The following MACROD2 variants were observed in gnomAD, a reference collection of about 807,000 sequenced individuals.
MACROD2 encodes the protein mono-ADP ribosylhydrolase 2.
Under a neutral mutation model 70.4 loss-of-function variants are expected in MACROD2, and 36 were observed. The observed-to-expected ratio is 0.51, with a 90% CI of 0.39 to 0.68. The LOEUF is 0.68. MACROD2 is among the 30% of genes least tolerant of loss of function. The pLI, the probability that MACROD2 is intolerant of heterozygous loss-of-function variation, is 0.00. For missense variants in MACROD2, 496 were observed against 538.4 expected (o/e 0.92, Z 0.78); for synonymous variants, 172 against 178.8 (o/e 0.96, Z 0.30).
At chr20:16,012,707 A>G (rs145475677) in intron 15 of MACROD2, among the ~76,000 whole-genome samples, 123 of 152,350 alleles carry the variant, frequency 8.1e-4, no homozygotes, top group African/African-American at 2.8e-3. Flanking sequence ...CATTTAGGAT[A>G]AGTTATTTTG....
In MACROD2 at chr20:14,467,239, C is replaced by T. The variant is rs533226078; in HGVS notation, c.272-26240C>T. On this transcript the variant is annotated intron_variant, in intron 3 of 17. Coordinates refer to ENST00000684519, the MANE Select transcript of MACROD2 (RefSeq NM_001351661.2). Reference sequence around the variant, plus strand: ...CTACTCAAGCCTGAGCAATGGCAGGCGCCCCTCCCCCCAGCCTCGCTGCCA... The same window carrying T: ...CTACTCAAGCCTGAGCAATGGCAGGTGCCCCTCCCCCCAGCCTCGCTGCCA... 6.6e-4 allele frequency among the ~76,000 whole-genome samples: 101 copies of T among 152,248 alleles called. No homozygotes were observed. In the East Asian group the frequency reaches 0.016, roughly 25 times the overall value.
chr20:16,017,481 G>A (rs1038540387), intron 15 of MACROD2, among the ~76,000 whole-genome samples: 5 of 152,192 alleles, frequency 3.3e-5, no homozygotes, highest in Admixed American at 3.3e-4. Flanking sequence ...AGAACTGGTT[G>A]AATTTCTAGA....
chr20:14,536,986 A>C (rs2123222377), intron 4 of MACROD2, among the ~76,000 whole-genome samples: 1 of 152,262 alleles, frequency 6.6e-6, no homozygotes, highest in South Asian at 2.1e-4. Context: ...TGTCTTTGTG[A>C]CTGTAGATTT....
chr20:15,896,522 G>C (rs1229228917), intron 10 of MACROD2, among the ~76,000 whole-genome samples: 1 of 141,874 alleles, frequency 7.0e-6, no homozygotes, highest in Non-Finnish European at 1.5e-5. Flanking sequence ...CACGCAGTTT[G>C]TTAATGTCAC....
At chr20:14,199,181 A>G (rs2081458711) in intron 3 of MACROD2, among the ~76,000 whole-genome samples, 1 of 152,184 alleles carries the variant, frequency 6.6e-6, no homozygotes, top group Non-Finnish European at 1.5e-5. Context: ...ACATAAAATG[A>G]TGGTTCTCTT....
chr20:15,712,017 G>A (rs142512039), intron 8 of MACROD2, among the ~76,000 whole-genome samples: 76 of 152,102 alleles, frequency 5.0e-4, no homozygotes, highest in African/African-American at 1.6e-3. Flanking sequence ...CTGATCCTTG[G>A]TTATTCGCTT....
At chr20:15,230,790 C>A (rs1427637397) in intron 6 of MACROD2, among the ~76,000 whole-genome samples, 1 of 151,974 alleles carries the variant, frequency 6.6e-6, no homozygotes, top group African/African-American at 2.4e-5. Flanking sequence ...ACATGTTCTA[C>A]CTTTATTACA....
chr20:15,634,350 C>T (rs1375468154), intron 8 of MACROD2, among the ~76,000 whole-genome samples: 1 of 152,170 alleles, frequency 6.6e-6, no homozygotes, highest in Non-Finnish European at 1.5e-5. Context: ...GATTTGAGCA[C>T]TGAGCAATTT....
intron 6 of MACROD2, among the ~76,000 whole-genome samples, chr20:15,257,239 C>T (rs763149248): frequency 1.3e-4 from 19 of 151,830 alleles, no homozygotes; most frequent in Admixed American, 5.9e-4. Flanking sequence ...TTATGTCATG[C>T]GAAATGAATG....
chr20:14,656,253 C>T lies in MACROD2; in HGVS notation c.302-28590C>T, dbSNP rs181952283. On this transcript the variant is annotated intron_variant, in intron 4 of 17. Coordinates refer to ENST00000684519, the MANE Select transcript of MACROD2 (RefSeq NM_001351661.2). ...AAGAGATTTCGGAGGTCTGCTCCCCCCCACCCATTTTATACTTCAGAGGAA... is the reference window on the plus strand; with the variant it reads ...AAGAGATTTCGGAGGTCTGCTCCCCTCCACCCATTTTATACTTCAGAGGAA... 1.0e-3 allele frequency among the ~76,000 whole-genome samples: 153 copies of T among 152,276 alleles called. 1 individual carries two copies. The South Asian group carries it at 0.011, about 11-fold the overall frequency.
At chr20:14,784,108 AAC>A (rs1208972804) in intron 5 of MACROD2, among the ~76,000 whole-genome samples, 3 of 152,124 alleles carry the variant, frequency 2.0e-5, no homozygotes, top group Admixed American at 2.0e-4. Context: ...ATTAAGAGAA[AAC>A]ACAGGATTGC....
intron 3 of MACROD2, among the ~76,000 whole-genome samples, chr20:14,241,827 G>A (rs1259582645): frequency 6.6e-6 from 1 of 152,146 alleles, no homozygotes; most frequent in Non-Finnish European, 1.5e-5. Context: ...TTTTACTGAT[G>A]TTTGTGTTAA....
intron 3 of MACROD2, among the ~76,000 whole-genome samples, chr20:14,171,489 C>T (rs1601308969): frequency 6.6e-6 from 1 of 152,192 alleles, no homozygotes; most frequent in South Asian, 2.1e-4. Flanking sequence ...ATGGACTTTC[C>T]TCCTAGTGCC....
intron 3 of MACROD2, among the ~76,000 whole-genome samples, chr20:14,145,825 CAAA>C (rs1256674009): frequency 6.6e-6 from 1 of 152,002 alleles, no homozygotes; most frequent in Non-Finnish European, 1.5e-5. Context: ...TTTTCCAAAA[CAAA>C]AAGGCAATTA....
intron 13 of MACROD2, among the ~76,000 whole-genome samples, chr20:15,979,431 C>A (rs550005197): frequency 2.6e-5 from 4 of 152,104 alleles, no homozygotes; most frequent in Non-Finnish European, 5.9e-5. Flanking sequence ...TGGGAACATA[C>A]ACTTGTCCCA....
intron 8 of MACROD2, among the ~76,000 whole-genome samples, chr20:15,616,305 T>C (rs1211182414): frequency 2.0e-5 from 3 of 152,090 alleles, no homozygotes; most frequent in Admixed American, 6.5e-5. Flanking sequence ...GGTTTTGCCA[T>C]GTTGGCCAGG....
At chr20:15,773,831 A>G (rs2051676401) in intron 8 of MACROD2, among the ~76,000 whole-genome samples, 1 of 152,188 alleles carries the variant, frequency 6.6e-6, no homozygotes, top group Admixed American at 6.5e-5. Flanking sequence ...GTCACCACTG[A>G]TCTCGAAGAA....
intron 3 of MACROD2, among the ~76,000 whole-genome samples, chr20:14,206,673 G>A (rs1475609686): frequency 1.4e-5 from 2 of 141,362 alleles, no homozygotes; most frequent in Non-Finnish European, 3.1e-5. Context: ...TTTTTTTTAA[G>A]TCAGTTACTT....
intron 6 of MACROD2, among the ~76,000 whole-genome samples, chr20:15,306,389 T>C (rs1334092723): frequency 1.3e-5 from 2 of 152,218 alleles, no homozygotes; most frequent in African/African-American, 4.8e-5. Flanking sequence ...ATGCGCATGC[T>C]AAATACTTTA....
Sources: allele counts gnomAD v4.1 joint callset (sites outside exome capture counted in the v4.1 genomes callset), GRCh38; gene constraint gnomAD v4.1.1; transcripts MANE v1.5; gene names NCBI Gene and HGNC (gene_info 2026-07-23, HGNC 2026-07-21).